Variants in SNAP25 observed in about 807,000 individuals in gnomAD.
SNAP25 encodes synaptosome associated protein 25.
SNAP25 carries 3 observed loss-of-function variants against 28.7 expected under a neutral mutation model. That is an observed-to-expected ratio of 0.10 (90% CI 0.05 to 0.27). The LOEUF (loss-of-function observed/expected upper bound fraction) is 0.27, where lower values mean the gene tolerates loss of function less well. Ranked by LOEUF, SNAP25 falls within the 10% of genes least tolerant of loss-of-function variation. The pLI, the probability that SNAP25 is intolerant of heterozygous loss-of-function variation, is 1.00. For synonymous variants in SNAP25, 61 were observed against 88.1 expected (o/e 0.69, Z 1.72); for missense variants, 117 against 278.7 (o/e 0.42, Z 4.13).
intron 1 of SNAP25, among the ~76,000 whole-genome samples, chr20:10,268,541 TG>T (rs1414460695): frequency 1.1e-4 from 17 of 152,216 alleles, no homozygotes; most frequent in Non-Finnish European, 2.1e-4. Context: ...ATAATAGCCA[TG>T]TCTCTATTCA....
intron 6 of SNAP25, among the ~76,000 whole-genome samples, chr20:10,298,145 C>T (rs1222190584): frequency 1.3e-5 from 2 of 152,040 alleles, no homozygotes; most frequent in Non-Finnish European, 2.9e-5. Context: ...GGGCCCAATC[C>T]ACACCAATTG....
chr20:10,249,234 T>C (rs939998640), intron 1 of SNAP25, among the ~76,000 whole-genome samples: 1 of 152,210 alleles, frequency 6.6e-6, no homozygotes, highest in African/African-American at 2.4e-5. Flanking sequence ...GCCACGCATT[T>C]GTTTGCTCAT....
chr20:10,260,740 CAT>C, intron 1 of SNAP25, among the ~76,000 whole-genome samples: 1 of 149,406 alleles, frequency 6.7e-6, no homozygotes, highest in Non-Finnish European at 1.5e-5. Context: ...CACACACACA[CAT>C]CTGCCTTATA....
intron 1 of SNAP25, among the ~76,000 whole-genome samples, chr20:10,233,413 C>T (rs923792468): frequency 6.6e-6 from 1 of 152,150 alleles, no homozygotes; most frequent in African/African-American, 2.4e-5. Context: ...CCCAGCCAAC[C>T]GTAACATTTA....
intron 2 of SNAP25, among the ~76,000 whole-genome samples, chr20:10,277,458 C>T (rs1272902022): frequency 6.6e-6 from 1 of 152,110 alleles, no homozygotes; most frequent in African/African-American, 2.4e-5. Flanking sequence ...TTTTTATTTT[C>T]TGAAGATAAG....
At chr20:10,275,654 A>T (rs1023896461) in intron 2 of SNAP25, 91 bp downstream of exon 2, 28 of 1,023,472 alleles carry the variant, frequency 2.7e-5, no homozygotes, top group Admixed American at 2.3e-4. Context: ...CCTTTCTTTC[A>T]ATGTCTCAAT....
At chr20:10,257,174 C>A (rs1418099683) in intron 1 of SNAP25, among the ~76,000 whole-genome samples, 6 of 152,046 alleles carry the variant, frequency 3.9e-5, no homozygotes, top group African/African-American at 1.5e-4. Flanking sequence ...ATGCACCCCT[C>A]CAGATTTGAG....
chr20:10,224,589 A>G (rs2062701389), intron 1 of SNAP25, among the ~76,000 whole-genome samples: 1 of 151,978 alleles, frequency 6.6e-6, no homozygotes, highest in South Asian at 2.1e-4. Flanking sequence ...CATCATCTTA[A>G]TAATGCTTCA....
Position 10,306,296 on chromosome 20 carries a change from C to T in SNAP25, c.*99C>T. On this transcript the variant is annotated 3_prime_UTR_variant, in exon 8 of 8. Transcript: ENST00000254976. ...CTAGTAGGTCTGCACACATAACACA[C>T]ATCAGTCCACCCCCATTGTGAATGT... 1 of 1,011,420 alleles carries T rather than the reference C, an allele frequency of 9.9e-7. No homozygotes were observed. 62.7% of individuals were successfully genotyped at this position (1,011,420 alleles called of 1,614,324 possible). A position where few individuals can be genotyped will look rare whatever the true frequency, so the allele number is the denominator to read the frequency against.
chr20:10,306,117 C>G lies in SNAP25; in HGVS notation c.553-12C>G. On this transcript the variant is annotated splice_polypyrimidine_tract_variant and intron_variant, in intron 7 of 7. Coordinates refer to ENST00000254976, the MANE Select transcript of SNAP25 (RefSeq NM_130811.4). The stretch of plus-strand genomic sequence containing the variant: ...GGTAACCTGAGTTCTGTTTCTTTTC[C>G]CCCTTTTCTAGGCTGATTCCAACAA... The G allele has an allele frequency of 1.2e-6, 2 of 1,613,174 alleles. No individual in the cohort carries two copies. Among genetic ancestry groups the G allele is most frequent in the South Asian group, 2.2e-5 (2 of 91,038 alleles).
chr20:10,260,713 AC>A (rs1237804467), intron 1 of SNAP25, among the ~76,000 whole-genome samples: 20 of 149,976 alleles, frequency 1.3e-4, no homozygotes, highest in East Asian at 1.2e-3. Context: ...ACACACACAC[AC>A]ACACACACAA....
intron 4 of SNAP25, among the ~76,000 whole-genome samples, chr20:10,286,220 A>T (rs917975376): frequency 4.6e-5 from 7 of 152,170 alleles, no homozygotes; most frequent in Admixed American, 3.9e-4. Context: ...TACATGAGGT[A>T]GATCTTTATT....
intron 1 of SNAP25, among the ~76,000 whole-genome samples, chr20:10,274,760 G>A (rs930750366): frequency 2.0e-5 from 3 of 151,982 alleles, no homozygotes; most frequent in Non-Finnish European, 2.9e-5. Context: ...GGAGAATGGC[G>A]TGAACCCGGG....
chr20:10,254,626 T>C (rs369369550), intron 1 of SNAP25, among the ~76,000 whole-genome samples: 6 of 152,172 alleles, frequency 3.9e-5, no homozygotes, highest in African/African-American at 1.4e-4. Context: ...AACACAGAAC[T>C]TTGAGCAGTT....
At chr20:10,283,458 T>A (rs1213581630) in intron 3 of SNAP25, among the ~76,000 whole-genome samples, 1 of 152,210 alleles carries the variant, frequency 6.6e-6, no homozygotes, top group Non-Finnish European at 1.5e-5. Context: ...TACTACATCC[T>A]GACTTTGCCA....
intron 4 of SNAP25, among the ~76,000 whole-genome samples, chr20:10,286,541 A>G (rs1007933753): frequency 6.6e-6 from 1 of 152,150 alleles, no homozygotes; most frequent in African/African-American, 2.4e-5. Flanking sequence ...ATGTTCTAGC[A>G]CTAGTAGCCC....
intron 1 of SNAP25, among the ~76,000 whole-genome samples, chr20:10,258,802 A>T (rs1380434553): frequency 6.6e-6 from 1 of 152,176 alleles, no homozygotes; most frequent in African/African-American, 2.4e-5. Context: ...ACACTTTATC[A>T]TCATGTGGAG....
At chr20:10,296,728 T>G in intron 5 of SNAP25, 197 bp from the exon 6 acceptor site, 1 of 638,566 alleles carries the variant, frequency 1.6e-6, no homozygotes, top group Non-Finnish European at 2.6e-6. Context: ...ATGGATTCGA[T>G]TGGAAGTGAA....
chr20:10,264,048 T>C (rs1041161315), intron 1 of SNAP25, among the ~76,000 whole-genome samples: 1 of 152,060 alleles, frequency 6.6e-6, no homozygotes, highest in Non-Finnish European at 1.5e-5. Flanking sequence ...AAAGAAACAT[T>C]GGCATTTTCG....
Sources: gnomAD v4.1 joint callset for allele counts (sites outside exome capture counted in the v4.1 genomes callset) on GRCh38, gnomAD v4.1.1 for gene constraint, MANE v1.5 for transcripts, NCBI Gene and HGNC (gene_info 2026-07-23, HGNC 2026-07-21) for gene names.